The following MYT1L variants were observed in gnomAD, a reference collection of about 807,000 sequenced individuals.
MYT1L encodes myelin transcription factor 1 like, also known as myelin transcription factor 1-like protein.
In MYT1L, 12 loss-of-function variants were observed where a neutral mutation model predicts 126.7. The ratio of observed to expected loss-of-function variants is 0.09; its 90% CI spans 0.06 to 0.15. The LOEUF (loss-of-function observed/expected upper bound fraction) is 0.15, where lower values mean the gene tolerates loss of function less well. MYT1L is among the 10% of genes least tolerant of loss of function. The pLI, the probability that MYT1L is intolerant of heterozygous loss-of-function variation, is 1.00. For missense variants in MYT1L, 979 were observed against 1,585.2 expected (o/e 0.62, Z 6.49); for synonymous variants, 541 against 604.2 (o/e 0.90, Z 1.53).
rs190601908 is a variant in MYT1L, at chr2:1,811,195, T to G, written c.3081-2028A>C. On this transcript the variant is annotated intron_variant, in intron 21 of 24. Coordinates refer to ENST00000647738, the MANE Select transcript of MYT1L (RefSeq NM_001303052.2). This position sits in a 1 kb window ranked among gnomAD's most constrained non-coding sequence, Gnocchi z 4.4. ...AGGAATAAATTTCTGGTTTCTATGC[T>G]GCCCAAGGTATGGTATTTGTTTTTG... 1.3e-5 allele frequency: 2 copies of G among 152,296 alleles called. No homozygotes were observed. Among genetic ancestry groups the G allele is most frequent in the African/African-American group, 4.8e-5 (2 of 41,578 alleles). 9.4% of individuals were successfully genotyped at this position (152,296 alleles called of 1,614,324 possible). A position where few individuals can be genotyped will look rare whatever the true frequency, so the allele number is the denominator to read the frequency against.
rs1210444936 is a variant in MYT1L, at chr2:1,852,605, C to T, written c.2712-902G>A. On this transcript the variant is annotated intron_variant, in intron 18 of 24. Transcript: ENST00000647738. The surrounding 1 kb of genome is among the most constrained non-coding windows in gnomAD (Gnocchi z 4.0). ...TGTCTCAAGAATAATGAGATCACACCGCAAACACATTTTCACTTTGAGCTA... is the reference window on the plus strand; with the variant it reads ...TGTCTCAAGAATAATGAGATCACACTGCAAACACATTTTCACTTTGAGCTA... Among the ~76,000 whole-genome samples, 1 of 151,944 alleles carries T rather than the reference C, an allele frequency of 6.6e-6. No individual in the cohort carries two copies. The highest frequency in any genetic ancestry group is 2.4e-5 in the African/African-American group (1 of 41,352).
chr2:2,186,294 A>T (rs1027622511), intron 2 of MYT1L, among the ~76,000 whole-genome samples: 3 of 142,704 alleles, frequency 2.1e-5, no homozygotes, highest in African/African-American at 5.3e-5. Flanking sequence ...CGTGAGGGGG[A>T]CGTAGCCGGG....
At chr2:2,193,419 C>G (rs1293007559) in intron 2 of MYT1L, among the ~76,000 whole-genome samples, 1 of 152,198 alleles carries the variant, frequency 6.6e-6, no homozygotes, top group Non-Finnish European at 1.5e-5. Flanking sequence ...ACAGCAAAGT[C>G]ATGTGCCCTG....
intron 18 of MYT1L, among the ~76,000 whole-genome samples, chr2:1,883,018 C>T (rs562798484): frequency 1.4e-4 from 21 of 152,300 alleles, no homozygotes; most frequent in African/African-American, 4.3e-4. Context: ...ACTGCGCGTA[C>T]GGGACCATCG....
chr2:1,933,554 G>GT (rs1339062120), intron 9 of MYT1L, among the ~76,000 whole-genome samples: 5 of 152,234 alleles, frequency 3.3e-5, no homozygotes, highest in Admixed American at 6.5e-5. Context: ...TGTAAGGGAA[G>GT]TTTTTTCTGA....
At chr2:1,876,951 G>A (rs899671835) in intron 18 of MYT1L, among the ~76,000 whole-genome samples, 4 of 152,196 alleles carry the variant, frequency 2.6e-5, no homozygotes, top group African/African-American at 9.7e-5. Flanking sequence ...TCACCCTGCT[G>A]GAGACTCAAG....
intron 2 of MYT1L, among the ~76,000 whole-genome samples, chr2:2,248,819 A>G (rs1017566189): frequency 2.6e-5 from 4 of 152,210 alleles, no homozygotes; most frequent in Non-Finnish European, 4.4e-5. Flanking sequence ...ATAAAGTTCA[A>G]CATCGCTTTA....
rs1254718329 is a variant in MYT1L at position 1,967,999 on chromosome 2, G to A, written c.152+11166C>T. Among the ~76,000 whole-genome samples the A allele has an allele frequency of 2.6e-5, 4 of 152,156 alleles. No homozygotes were observed. The East Asian group carries it at 7.7e-4, about 29-fold the overall frequency. The stretch of plus-strand genomic sequence containing the variant: ...CACTGCACCCCAGGAGGGGAGGAGG[G>A]GGCAGAAAAGAGAGGAGAGGCCCAA... On this transcript the variant is annotated intron_variant, in intron 8 of 24. Coordinates refer to ENST00000647738, the MANE Select transcript of MYT1L (RefSeq NM_001303052.2).
At chr2:1,821,016 G>C (rs2038440614) in intron 21 of MYT1L, among the ~76,000 whole-genome samples, 1 of 152,172 alleles carries the variant, frequency 6.6e-6, no homozygotes, top group Non-Finnish European at 1.5e-5. Context: ...CTGCCCTACA[G>C]ATTTTGGACT....
At chr2:1,828,895 G>A (rs1207590343) in intron 21 of MYT1L, among the ~76,000 whole-genome samples, 1 of 152,218 alleles carries the variant, frequency 6.6e-6, no homozygotes, top group African/African-American at 2.4e-5. Flanking sequence ...CTTAAGATAT[G>A]AGTTACTTCT....
At chr2:2,129,679 G>A (rs1246002446) in intron 3 of MYT1L, among the ~76,000 whole-genome samples, 1 of 152,122 alleles carries the variant, frequency 6.6e-6, no homozygotes, top group Non-Finnish European at 1.5e-5. Context: ...GACTGAGGTG[G>A]GCGGATCACA....
chr2:1,875,150 T>A (rs1343291083), intron 18 of MYT1L, among the ~76,000 whole-genome samples: 1 of 152,208 alleles, frequency 6.6e-6, no homozygotes, highest in African/African-American at 2.4e-5. Flanking sequence ...ACCCCAAGGC[T>A]TCTATGTTCC....
At chr2:2,142,217 C>T (rs746417236) in intron 3 of MYT1L, among the ~76,000 whole-genome samples, 2 of 152,060 alleles carry the variant, frequency 1.3e-5, no homozygotes, top group Admixed American at 6.6e-5. Flanking sequence ...TCTTGTGTTA[C>T]GAGTTGCAAT....
chr2:2,002,868 T>C (rs1442494181), intron 4 of MYT1L, among the ~76,000 whole-genome samples: 2 of 152,152 alleles, frequency 1.3e-5, no homozygotes, highest in Non-Finnish European at 2.9e-5. Flanking sequence ...GCATTTCCCT[T>C]GCTTGCACTT....
At chr2:1,870,473 G>A (rs1266539914) in intron 18 of MYT1L, among the ~76,000 whole-genome samples, 1 of 152,208 alleles carries the variant, frequency 6.6e-6, no homozygotes, top group Admixed American at 6.5e-5. Context: ...GCCATAGAGG[G>A]TCGGTCTGCT....
At chr2:1,908,372 C>T (rs192715920) in intron 13 of MYT1L, among the ~76,000 whole-genome samples, 32 of 151,326 alleles carry the variant, frequency 2.1e-4, no homozygotes, top group Admixed American at 1.9e-3. Context: ...GGTGGGCAGT[C>T]GTAGGTGGTC....
intron 3 of MYT1L, among the ~76,000 whole-genome samples, chr2:2,137,244 C>A (rs567013611): frequency 6.6e-6 from 1 of 152,222 alleles, no homozygotes; most frequent in South Asian, 2.1e-4. Context: ...GAATCAATAT[C>A]GTGAAAATGG....
At chr2:2,319,695 T>G (rs1294437748) in intron 1 of MYT1L, among the ~76,000 whole-genome samples, 1 of 151,960 alleles carries the variant, frequency 6.6e-6, no homozygotes, top group Non-Finnish European at 1.5e-5. Flanking sequence ...TTAATCTATT[T>G]CAAAATGCAT....
chr2:1,888,702 C>T (rs2048451914), intron 16 of MYT1L, among the ~76,000 whole-genome samples: 1 of 152,132 alleles, frequency 6.6e-6, no homozygotes, highest in Non-Finnish European at 1.5e-5. Context: ...AAAGTATGTT[C>T]TTGACATAGA....
Sources: allele counts gnomAD v4.1 joint callset (sites outside exome capture counted in the v4.1 genomes callset), GRCh38; gene constraint gnomAD v4.1.1; non-coding constraint Gnocchi (gnomAD v3.1); transcripts MANE v1.5; gene names NCBI Gene and HGNC (gene_info 2026-07-23, HGNC 2026-07-21).